The following HTR3B variants were observed in gnomAD, a reference collection of about 807,000 sequenced individuals.
The protein encoded by HTR3B is 5-hydroxytryptamine (serotonin) receptor 3B, ionotropic.
In HTR3B, 44 loss-of-function variants were observed where a neutral mutation model predicts 42.8. The observed-to-expected ratio is 1.03, with a 90% CI of 0.81 to 1.32. The LOEUF is 1.32. HTR3B is among the 40% of genes most tolerant of loss of function. The pLI is 0.00. For synonymous variants in HTR3B, 203 were observed against 209.0 expected, an observed-to-expected ratio of 0.97 and a Z score of 0.25; for missense variants, 527 against 536.5, an observed-to-expected ratio of 0.98 and a Z score of 0.17.
At chr11:113,919,291 C>T (rs191038667) in intron 2 of HTR3B, among the ~76,000 whole-genome samples, 1 of 152,206 alleles carries the variant, frequency 6.6e-6, no homozygotes, top group Admixed American at 6.5e-5. Context: ...TTTACCTGCT[C>T]CCGCCTCTTT....
At chr11:113,912,490 G>T (rs372027809) in intron 2 of HTR3B, among the ~76,000 whole-genome samples, 1 of 152,108 alleles carries the variant, frequency 6.6e-6, no homozygotes, top group Non-Finnish European at 1.5e-5. Flanking sequence ...TGATCCACCC[G>T]CCTCGGCCTC....
Position 113,946,058 on chromosome 11 carries a change from T to C in HTR3B, c.1247T>C (p.Leu416Pro). 4 of 1,614,056 alleles carry C rather than the reference T, an allele frequency of 2.5e-6. No homozygotes were observed. The highest frequency in any genetic ancestry group is 3.4e-6 in the Non-Finnish European group (4 of 1,180,012). Reference protein sequence around the residue: ...LVLLSRFDRLLFQSYLFMLGI... With the variant: ...LVLLSRFDRLPFQSYLFMLGI... ...CTCCTGTCCCGCTTTGACCGACTGC[T>C]CTTCCAAAGCTACCTTTTCATGCTG... Residue 416 changes from leucine (L) to proline (P), a missense_variant, in exon 9 of 9, where the codon CTC becomes CCC. Coordinates refer to ENST00000260191, the MANE Select transcript of HTR3B (RefSeq NM_006028.5).
At chr11:113,938,183 A>G (rs991142045) in intron 6 of HTR3B, among the ~76,000 whole-genome samples, 7 of 152,196 alleles carry the variant, frequency 4.6e-5, no homozygotes, top group African/African-American at 1.4e-4. Flanking sequence ...TTTCCAAATA[A>G]GGTCACATTC....
chr11:113,919,309 C>T (rs1407294031), intron 2 of HTR3B, among the ~76,000 whole-genome samples: 1 of 152,122 alleles, frequency 6.6e-6, no homozygotes, highest in African/African-American at 2.4e-5. Flanking sequence ...TTTTGTGCTA[C>T]TTTTATCTTC....
chr11:113,911,294 G>A (rs1362664781), intron 2 of HTR3B, among the ~76,000 whole-genome samples: 5 of 151,408 alleles, frequency 3.3e-5, no homozygotes, highest in African/African-American at 1.2e-4. Context: ...GCAGTGGCAC[G>A]ATCTCAGCTC....
At chr11:113,928,519 G>A (rs1417108550) in intron 2 of HTR3B, among the ~76,000 whole-genome samples, 1 of 152,070 alleles carries the variant, frequency 6.6e-6, no homozygotes, top group Non-Finnish European at 1.5e-5. Flanking sequence ...CATCCATGTT[G>A]TAACATGTGT....
intron 2 of HTR3B, among the ~76,000 whole-genome samples, chr11:113,912,058 G>A (rs181900533): frequency 1.3e-5 from 2 of 152,164 alleles, no homozygotes; most frequent in African/African-American, 2.4e-5. Context: ...CTTATGTTGC[G>A]GTGTGTATCA....
chr11:113,903,452 C>T (rs1451993498), upstream of HTR3B, among the ~76,000 whole-genome samples: 2 of 125,904 alleles, frequency 1.6e-5, no homozygotes, highest in East Asian at 2.3e-4. Context: ...TTTTTTGAGG[C>T]GGAGTCTCCC....
Position 113,944,617 on chromosome 11 carries a change from G to C in HTR3B, c.952G>C (p.Ala318Pro). ...CATGGCCTTCTTGGTTCTCAGCTTA[G>C]CTAAGTCCATCGTGTTGGTCAAATT... ...ICMAFLVLSL[A>P]KSIVLVKFLH... The change falls in exon 8 of 9, where the codon GCT becomes CCT. Residue 318 changes from alanine to proline, a missense_variant. Physicochemically the swap from Ala to Pro is conservative, Grantham distance 27. Transcript: ENST00000260191. 6.2e-7 allele frequency: 1 copy of C among 1,614,178 alleles called. No individual in the cohort carries two copies. Among genetic ancestry groups the C allele is most frequent in the Non-Finnish European group, 8.5e-7 (1 of 1,180,020 alleles).
intron 2 of HTR3B, among the ~76,000 whole-genome samples, chr11:113,922,706 C>T (rs1370357929): frequency 1.3e-5 from 2 of 152,124 alleles, no homozygotes; most frequent in South Asian, 2.1e-4. Context: ...CAGGCGCCCG[C>T]CACTACGCCC....
intron 2 of HTR3B, among the ~76,000 whole-genome samples, chr11:113,911,003 T>C (rs1229363227): frequency 6.6e-6 from 1 of 151,014 alleles, no homozygotes; most frequent in Non-Finnish European, 1.5e-5. Context: ...ATTTTTTGTA[T>C]TTTTAGTAGA....
intron 2 of HTR3B, among the ~76,000 whole-genome samples, chr11:113,909,957 C>CTGG (rs908023093): frequency 1.6e-5 from 2 of 128,498 alleles, no homozygotes; most frequent in African/African-American, 6.1e-5. Flanking sequence ...GCACTCCAGC[C>CTGG]TGGGTAGCAG....
Position 113,942,896 on chromosome 11 carries a change from G to A in HTR3B, c.697-86G>A, listed in dbSNP as rs1034310650. 3.9e-5 allele frequency: 44 copies of A among 1,115,870 alleles called. 1 individual carries two copies. Among genetic ancestry groups the A allele is most frequent in the Middle Eastern group, 2.0e-4 (1 of 5,024 alleles). The allele number at this position is 1,115,870 out of a possible 1,614,324, so 69.1% of individuals were successfully genotyped here. A position where few individuals can be genotyped will look rare whatever the true frequency, so the allele number is the denominator to read the frequency against. ...CATTATGCAAAAACGTTGGGTCTTC[G>A]GGGAGAATTCCTGGCTATGAATTTG... On this transcript the variant is annotated intron_variant, in intron 6 of 8. Transcript: ENST00000260191.
In HTR3B at chr11:113,931,687, C is replaced by T. The variant is rs1480288491; in HGVS notation, c.259-71C>T. 6.6e-6 allele frequency: 6 copies of T among 904,672 alleles called. No homozygotes were observed. In the South Asian group the frequency reaches 6.8e-5, roughly 10 times the overall value. 56.0% of individuals were successfully genotyped at this position (904,672 alleles called of 1,614,324 possible). A position where few individuals can be genotyped will look rare whatever the true frequency, so the allele number is the denominator to read the frequency against. ...ATAAATTGGATTATTAATCCAAATG[C>T]CTCTTTAGTTCTTTAGCGAAGTAGA... On this transcript the variant is annotated intron_variant, in intron 3 of 8. Transcript: ENST00000260191.
chr11:113,932,222 A>T (rs753060697), intron 4 of HTR3B, 67 bp from the exon 5 acceptor site: 65 of 1,330,070 alleles, frequency 4.9e-5, no homozygotes, highest in Non-Finnish European at 6.8e-5. Context: ...CCATCTCCTA[A>T]TCAGCCTATG....
At chr11:113,925,759 A>C (rs539299123) in intron 2 of HTR3B, among the ~76,000 whole-genome samples, 1 of 152,310 alleles carries the variant, frequency 6.6e-6, no homozygotes, top group South Asian at 2.1e-4. Context: ...AATGAGTTCA[A>C]GGAGAGTTCT....
At chr11:113,927,400 T>C (rs532937334) in intron 2 of HTR3B, among the ~76,000 whole-genome samples, 24 of 152,284 alleles carry the variant, frequency 1.6e-4, no homozygotes, top group African/African-American at 5.8e-4. Context: ...AATATACTTA[T>C]AGATATGTAG....
In HTR3B at chr11:113,948,863, C is replaced by CAA. The variant is rs58588681; in HGVS notation, c.*2739_*2740dup. Among the ~76,000 whole-genome samples the CAA allele has an allele frequency of 0.17, 24,751 of 144,820 alleles. 2,434 individuals carry two copies. The highest frequency in any genetic ancestry group is 0.31 in the East Asian group (1,499 of 4,890). ...GGGCAACAAGAGCTAAACTCTATCT[C>CAA]AAAAAAAAAAAAAAGTTTAAAGTGC... On this transcript the variant is annotated 3_prime_UTR_variant, in exon 9 of 9. Coordinates refer to ENST00000260191, the MANE Select transcript of HTR3B (RefSeq NM_006028.5).
intron 3 of HTR3B, 29 bp downstream of exon 3, chr11:113,931,457 A>G (rs749480434): frequency 2.2e-6 from 3 of 1,361,884 alleles, no homozygotes; most frequent in Non-Finnish European, 2.1e-6. Flanking sequence ...TTCTAAATAT[A>G]TTGCACTCCT....
Sources: allele counts gnomAD v4.1 joint callset (sites outside exome capture counted in the v4.1 genomes callset), GRCh38; gene constraint gnomAD v4.1.1; transcripts MANE v1.5; gene names NCBI Gene and HGNC (gene_info 2026-07-23, HGNC 2026-07-21).